The following MEGF11 variants were observed in gnomAD, a reference collection of about 807,000 sequenced individuals.
The protein encoded by MEGF11 is multiple EGF like domains 11.
MEGF11 carries 126 observed loss-of-function variants against 146.6 expected under a neutral mutation model. The ratio of observed to expected loss-of-function variants is 0.86; its 90% CI spans 0.74 to 1.00. MEGF11 has a LOEUF of 1.00. Among genes scored for constraint, MEGF11 ranks in the 50% least tolerant of loss-of-function variants. MEGF11 has a pLI of 0.00. For missense variants in MEGF11, 1,509 were observed against 1,521.2 expected (o/e 0.99, Z 0.13); for synonymous variants, 532 against 583.4 (o/e 0.91, Z 1.27).
intron 10 of MEGF11, among the ~76,000 whole-genome samples, chr15:65,938,478 T>G (rs1202412674): frequency 6.6e-6 from 1 of 152,198 alleles, no homozygotes; most frequent in Non-Finnish European, 1.5e-5. Context: ...CACCAAGGCC[T>G]AGATGCTCTG....
At chr15:66,009,990 A>G (rs1384247943) in intron 5 of MEGF11, among the ~76,000 whole-genome samples, 2 of 152,252 alleles carry the variant, frequency 1.3e-5, no homozygotes, top group African/African-American at 4.8e-5. Flanking sequence ...TTTTAGTACC[A>G]GTGCAGAATA....
chr15:65,984,740 T>A (rs1180621322), intron 5 of MEGF11, among the ~76,000 whole-genome samples: 2 of 152,042 alleles, frequency 1.3e-5, no homozygotes, highest in African/African-American at 4.8e-5. Context: ...ACTATTATGA[T>A]AATGACAACC....
chr15:66,173,945 G>A (rs937649890), intron 1 of MEGF11, among the ~76,000 whole-genome samples: 1 of 152,198 alleles, frequency 6.6e-6, no homozygotes, highest in African/African-American at 2.4e-5. Flanking sequence ...ACAGTCCTCA[G>A]AGGGGCCGAC....
chr15:65,915,375 A>C (rs2078958290), intron 19 of MEGF11, 95 bp downstream of exon 19: 1 of 1,459,140 alleles, frequency 6.9e-7, no homozygotes, highest in East Asian at 2.4e-5. Flanking sequence ...AATAAAGGGA[A>C]GTATCATCAA....
In MEGF11 at chr15:66,188,020, T is replaced by C. The variant is rs148478071; in HGVS notation, c.-8-59609A>G. 2.1e-3 allele frequency among the ~76,000 whole-genome samples: 325 copies of C among 152,326 alleles called. 2 individuals are homozygous for C. The highest frequency in any genetic ancestry group is 3.7e-3 in the Non-Finnish European group (255 of 68,026). On this transcript the variant is annotated intron_variant, in intron 1 of 25. Transcript: ENST00000395614. ...TTCCAACCTTAGCACTACTGACGTTTTGGGCTGGATAATTCTGTGCTGGGG... is the reference window on the plus strand; with the variant it reads ...TTCCAACCTTAGCACTACTGACGTTCTGGGCTGGATAATTCTGTGCTGGGG...
Position 65,916,239 on chromosome 15 carries a change from G to A in MEGF11, c.2253C>T (p.Arg751=), listed in dbSNP as rs751572321. The A allele has an allele frequency of 9.5e-5, 149 of 1,560,878 alleles. No individual in the cohort carries two copies. Among genetic ancestry groups the A allele is most frequent in the Non-Finnish European group, 1.2e-4 (143 of 1,152,506 alleles). The change falls in exon 18 of 26, where the codon CGC becomes CGT. Residue 751 remains arginine (R), a synonymous_variant. Transcript: ENST00000395614. ...PAAFFGKDCG[R]VCQCQNGASC... ...TGGCGCCATTCTGACACTGGCATAC[G>A]CGCCCACAGTCCTTCCCAAAAAATG... is the stretch of plus-strand genomic sequence containing the variant.
chr15:66,174,446 G>T (rs977820061), intron 1 of MEGF11, among the ~76,000 whole-genome samples: 1 of 152,182 alleles, frequency 6.6e-6, no homozygotes, highest in Non-Finnish European at 1.5e-5. Flanking sequence ...GGGATCAGGA[G>T]ACCTGGATCC....
Position 66,078,745 on chromosome 15 carries a change from C to T in MEGF11, c.394+15657G>A, listed in dbSNP as rs566712548. On this transcript the variant is annotated intron_variant, in intron 5 of 25. Transcript: ENST00000395614. ...GTATCCGCCCGGTTGCCAGCACGTG[C>T]GACAACGCCAGCTGGGCTCCCGCCA... Among the ~76,000 whole-genome samples, 19 of 152,212 alleles carry T rather than the reference C, an allele frequency of 1.2e-4. No individual in the cohort carries two copies. The South Asian group carries it at 2.5e-3, about 20-fold the overall frequency.
At chr15:66,028,047 C>A (rs1308082838) in intron 5 of MEGF11, among the ~76,000 whole-genome samples, 1 of 152,192 alleles carries the variant, frequency 6.6e-6, no homozygotes, top group Non-Finnish European at 1.5e-5. Context: ...TGTCAGCACA[C>A]CCACCAGCTT....
intron 1 of MEGF11, among the ~76,000 whole-genome samples, chr15:66,183,024 C>T (rs929446737): frequency 3.9e-5 from 6 of 151,942 alleles, no homozygotes; most frequent in Non-Finnish European, 8.8e-5. Flanking sequence ...CACAATAACG[C>T]GATGTTGAGT....
chr15:66,081,261 G>A (rs943084860), intron 5 of MEGF11, among the ~76,000 whole-genome samples: 8 of 152,210 alleles, frequency 5.3e-5, no homozygotes, highest in African/African-American at 9.7e-5. Flanking sequence ...TCCTCCATCA[G>A]GGGGCAGCAG....
At chr15:66,133,992 G>C (rs1344514068) in intron 1 of MEGF11, among the ~76,000 whole-genome samples, 1 of 152,036 alleles carries the variant, frequency 6.6e-6, no homozygotes, top group East Asian at 1.9e-4. Context: ...CCACCACCCT[G>C]ATAAATTCTG....
At position 66,157,866 on chromosome 15, in the gene MEGF11, G is replaced by A. The variant is rs189249975; in HGVS notation, c.-8-29455C>T. 1.5e-3 allele frequency among the ~76,000 whole-genome samples: 230 copies of A among 152,240 alleles called. 1 individual carries two copies. The highest frequency in any genetic ancestry group is 5.0e-3 in the African/African-American group (206 of 41,520). On this transcript the variant is annotated intron_variant, in intron 1 of 25. Coordinates refer to ENST00000395614, the MANE Select transcript of MEGF11 (RefSeq NM_001385028.1). ...TTTCTAAAGGGAAGGTTAAAGTTTT[G>A]TTGCAAAGTATTTTTTTTAATTTTA...
chr15:66,032,964 C>A (rs1201336258), intron 5 of MEGF11, among the ~76,000 whole-genome samples: 1 of 151,444 alleles, frequency 6.6e-6, no homozygotes, highest in African/African-American at 2.4e-5. Context: ...GCCTATAGTG[C>A]CAGCTACTCG....
chr15:66,021,212 G>A (rs72742883), intron 5 of MEGF11, among the ~76,000 whole-genome samples: 7,406 of 152,062 alleles, frequency 0.049, 236 homozygotes, highest in Non-Finnish European at 0.07. Flanking sequence ...CCTTGATATT[G>A]TCATAAGTCA....
At position 66,094,509 on chromosome 15, in the gene MEGF11, G is replaced by A. The variant is rs1454287453; in HGVS notation, c.302-15C>T. 8 of 1,552,370 alleles carry A rather than the reference G, an allele frequency of 5.2e-6. No homozygotes were observed. The highest frequency in any genetic ancestry group is 4.8e-5 in the East Asian group (2 of 41,290). ...CGTACACAGGGCTGAGGGGACATGG[G>A]GAGAGGGAGGAAGAACCAGAACAAA... is the stretch of plus-strand genomic sequence containing the variant. On this transcript the variant is annotated splice_polypyrimidine_tract_variant and intron_variant, in intron 4 of 25. Transcript: ENST00000395614.
chr15:66,181,421 C>T (rs2090545243), intron 1 of MEGF11, among the ~76,000 whole-genome samples: 1 of 152,186 alleles, frequency 6.6e-6, no homozygotes, highest in South Asian at 2.1e-4. Flanking sequence ...TGAATGCACA[C>T]ACGCATGCAC....
At chr15:65,938,456 G>T (rs1421766581) in intron 10 of MEGF11, among the ~76,000 whole-genome samples, 1 of 152,188 alleles carries the variant, frequency 6.6e-6, no homozygotes, top group African/African-American at 2.4e-5. Flanking sequence ...CTGATCTTGA[G>T]GGAGTACCAC....
intron 1 of MEGF11, among the ~76,000 whole-genome samples, chr15:66,232,328 A>T (rs750834979): frequency 1.4e-4 from 21 of 152,132 alleles, no homozygotes; most frequent in Admixed American, 3.3e-4. Context: ...AGTCCTGGCC[A>T]CCAGCCCTTA....
Sources: allele counts gnomAD v4.1 joint callset (sites outside exome capture counted in the v4.1 genomes callset), GRCh38; gene constraint gnomAD v4.1.1; transcripts MANE v1.5; gene names NCBI Gene and HGNC (gene_info 2026-07-23, HGNC 2026-07-21).